CCDC141: variants seen among roughly 807,000 people sequenced by gnomAD.
The protein encoded by CCDC141 is coiled-coil domain containing 141.
In CCDC141, 168 loss-of-function variants were observed where a neutral mutation model predicts 181.0. The ratio of observed to expected loss-of-function variants is 0.93; its 90% CI spans 0.82 to 1.05. The LOEUF is 1.05. Among genes scored for constraint, CCDC141 ranks in the 50% least tolerant of loss-of-function variants. The pLI, the probability that CCDC141 is intolerant of heterozygous loss-of-function variation, is 0.00. For synonymous variants in CCDC141, 666 were observed against 642.3 expected (o/e 1.04, Z -0.56); for missense variants, 1,902 against 1,788.5 (o/e 1.06, Z -1.14).
At chr2:178,916,972 G>A (rs901917840) in intron 7 of CCDC141, among the ~76,000 whole-genome samples, 2 of 151,254 alleles carry the variant, frequency 1.3e-5, no homozygotes, top group Non-Finnish European at 2.9e-5. Flanking sequence ...TTTTGCAGGA[G>A]ATATTTCTTC....
At chr2:178,907,903 G>A (rs2154373269) in intron 7 of CCDC141, among the ~76,000 whole-genome samples, 2 of 152,052 alleles carry the variant, frequency 1.3e-5, no homozygotes, top group South Asian at 4.2e-4. Flanking sequence ...GGAGACTGAG[G>A]CAAGAGAATC....
At chr2:178,893,425 C>A (rs1687250664) in intron 8 of CCDC141, among the ~76,000 whole-genome samples, 1 of 152,044 alleles carries the variant, frequency 6.6e-6, no homozygotes, top group Admixed American at 6.6e-5. Context: ...TCATAAATTA[C>A]TATTGTCAGC....
intron 3 of CCDC141, among the ~76,000 whole-genome samples, chr2:178,977,198 G>C (rs1337128632): frequency 6.6e-6 from 1 of 152,054 alleles, no homozygotes; most frequent in South Asian, 2.1e-4. Context: ...CTTAATTATG[G>C]TTTGGCCTAC....
At chr2:178,947,230 GCA>G (rs1483852462) in intron 5 of CCDC141, among the ~76,000 whole-genome samples, 1 of 152,128 alleles carries the variant, frequency 6.6e-6, no homozygotes, top group Non-Finnish European at 1.5e-5. Flanking sequence ...TATTCTAAGT[GCA>G]CTTTTTATAA....
intron 2 of CCDC141, among the ~76,000 whole-genome samples, chr2:179,022,417 G>A (rs548614431): frequency 6.6e-6 from 1 of 152,158 alleles, no homozygotes; most frequent in African/African-American, 2.4e-5. Flanking sequence ...CTAAGCTAAC[G>A]TCTGTTCACA....
chr2:178,905,272 C>G (rs532687169), intron 8 of CCDC141, 57 bp downstream of exon 8: 2 of 1,419,224 alleles, frequency 1.4e-6, no homozygotes, highest in South Asian at 2.8e-5. Flanking sequence ...ATTTTTAGCA[C>G]GTTGTGGAAA....
At chr2:178,881,189 T>C (rs1686589005) in intron 11 of CCDC141, among the ~76,000 whole-genome samples, 1 of 147,972 alleles carries the variant, frequency 6.8e-6, no homozygotes, top group Admixed American at 6.6e-5. Context: ...TTATTCCACT[T>C]ATGTGAAATA....
rs756865331 is a variant in CCDC141 at position 178,845,646 on chromosome 2, A to G, written c.3454T>C (p.Phe1152Leu). Residue 1152 changes from phenylalanine (F) to leucine (L), a missense_variant, in exon 22 of 24, where the codon TTC (phenylalanine) becomes CTC (leucine). By Grantham distance (22) the Phe-to-Leu change is conservative. Transcript: ENST00000443758. ...KEPAKNKQTI[F>L]NEERNKGQVQ... ...TTTACCTTATTCCTTTCTTCATTGA[A>G]TATTGTCTGCTTATTTTTTGCTGGT... The G allele has an allele frequency of 6.3e-7, 1 of 1,598,276 alleles. No homozygotes were observed. Among genetic ancestry groups the G allele is most frequent in the Non-Finnish European group, 8.6e-7 (1 of 1,165,806 alleles).
At chr2:178,954,197 T>A (rs532562926) in intron 5 of CCDC141, among the ~76,000 whole-genome samples, 18 of 152,346 alleles carry the variant, frequency 1.2e-4, no homozygotes, top group African/African-American at 3.6e-4. Context: ...TATGCCTGAT[T>A]GGAGCAATTG....
intron 4 of CCDC141, among the ~76,000 whole-genome samples, chr2:178,973,309 A>G (rs902809937): frequency 5.3e-5 from 8 of 152,204 alleles, no homozygotes; most frequent in Non-Finnish European, 8.8e-5. Flanking sequence ...CTGTGCTTCA[A>G]GTATCACACA....
At chr2:178,867,949 C>G in intron 16 of CCDC141, 77 bp downstream of exon 16, 1 of 1,175,240 alleles carries the variant, frequency 8.5e-7, no homozygotes, top group East Asian at 2.4e-5. Context: ...ACTAAGCAAT[C>G]TGCCTGGTTT....
rs1010213003 is a variant in CCDC141, at chr2:178,876,583, CTGAA to C, written c.1899+1377_1899+1380del. The C allele has an allele frequency of 1.2e-3, 180 of 152,250 alleles. 1 individual carries two copies. Among genetic ancestry groups the C allele is most frequent in the Admixed American group, 0.012 (180 of 15,298 alleles). 9.4% of individuals were successfully genotyped at this position (152,250 alleles called of 1,614,324 possible). A position where few individuals can be genotyped will look rare whatever the true frequency, so the allele number is the denominator to read the frequency against. ...TAATACAAAGATTATGAAGTAGCGG[CTGAA>C]TGAAGTACTATTGGGAGCATTCATG... On this transcript the variant is annotated intron_variant, in intron 12 of 23. Transcript: ENST00000443758.
At chr2:179,034,131 G>A (rs2043074006) in intron 2 of CCDC141, among the ~76,000 whole-genome samples, 1 of 151,936 alleles carries the variant, frequency 6.6e-6, no homozygotes, top group African/African-American at 2.4e-5. Context: ...AAGAAAATGT[G>A]GTATATAAAC....
the CCDC141 span, chr2:178,817,744 T>C: frequency 3.2e-6 from 1 of 310,132 alleles, no homozygotes; most frequent in Non-Finnish European, 6.4e-6. Context: ...GTTCTCTTTT[T>C]CTTTATCTCT....
intron 2 of CCDC141, among the ~76,000 whole-genome samples, chr2:179,018,627 C>G (rs1314544920): frequency 6.6e-6 from 1 of 152,148 alleles, no homozygotes; most frequent in Non-Finnish European, 1.5e-5. Flanking sequence ...CTCCATGAAA[C>G]CCTTCTCTCC....
chr2:178,842,071 C>CA (rs148055092), intron 22 of CCDC141, among the ~76,000 whole-genome samples: 13,756 of 149,198 alleles, frequency 0.092, 688 homozygotes, highest in East Asian at 0.18. Context: ...TTGTTATTAC[C>CA]AAAAAAAAAA....
rs757309962 is a variant in CCDC141, at chr2:179,013,191, C to T, written c.225+34093G>A. Among the ~76,000 whole-genome samples the T allele has an allele frequency of 1.6e-4, 25 of 152,144 alleles. 1 individual carries two copies. Among genetic ancestry groups the T allele is most frequent in the African/African-American group, 5.1e-4 (21 of 41,524 alleles). On this transcript the variant is annotated intron_variant, in intron 2 of 23. Transcript: ENST00000443758. ...ATGTCAAACTGCCCCTGTTTGCTGA[C>T]GATATAATCATTTACCTTGAAAATC...
At chr2:178,907,714 C>A (rs1335184807) in intron 7 of CCDC141, among the ~76,000 whole-genome samples, 2 of 152,148 alleles carry the variant, frequency 1.3e-5, no homozygotes, top group East Asian at 3.8e-4. Flanking sequence ...AGATGATTAG[C>A]CAGGCACGGT....
chr2:179,000,055 TACACACACACACACACACACAC>T (rs67309651), intron 2 of CCDC141, among the ~76,000 whole-genome samples: 6 of 144,262 alleles, frequency 4.2e-5, no homozygotes, highest in African/African-American at 1.0e-4. Flanking sequence ...TTCATCACCA[TACACACACACACACACACACAC>T]ACACACACAC....
Sources: allele counts gnomAD v4.1 joint callset (sites outside exome capture counted in the v4.1 genomes callset), GRCh38; gene constraint gnomAD v4.1.1; transcripts MANE v1.5; gene names NCBI Gene and HGNC (gene_info 2026-07-23, HGNC 2026-07-21).